Variants in ENOSF1 observed in about 807,000 individuals in gnomAD.
The protein encoded by ENOSF1 is mitochondrial enolase superfamily member 1.
A neutral mutation model predicts 68.2 loss-of-function variants in ENOSF1; 73 were observed. That is an observed-to-expected ratio of 1.07 (90% CI 0.89 to 1.30). The LOEUF is 1.30. Among genes scored for constraint, ENOSF1 ranks in the 50% most tolerant of loss-of-function variants. ENOSF1 has a pLI of 0.00. For synonymous variants in ENOSF1, 223 were observed against 210.4 expected, an observed-to-expected ratio of 1.06 and a Z score of -0.52; for missense variants, 589 against 554.5, an observed-to-expected ratio of 1.06 and a Z score of -0.62.
Position 671,794 on chromosome 18 carries a change from T to A in ENOSF1, c.*2511A>T. The A allele has an allele frequency of 3.8e-6, 1 of 265,610 alleles. No homozygotes were observed. Among genetic ancestry groups the A allele is most frequent in the Non-Finnish European group, 7.2e-6 (1 of 139,808 alleles). 16.5% of individuals were successfully genotyped at this position (265,610 alleles called of 1,614,324 possible). ...AAATGTTTTTCCTTTTCTTTTTTTT[T>A]TGAGATGGAGTCTTTCTCTGTCGGC... On this transcript the variant is annotated 3_prime_UTR_variant, in exon 16 of 16. Coordinates refer to ENST00000647584, the MANE Select transcript of ENOSF1 (RefSeq NM_017512.7).
chr18:668,910 C>A (rs2074918973), downstream of ENOSF1, among the ~76,000 whole-genome samples: 1 of 131,540 alleles, frequency 7.6e-6, no homozygotes, highest in Admixed American at 7.3e-5. Context: ...TTGAACTCAA[C>A]CCACCGAGAT....
chr18:693,258 T>C (rs2077383654), intron 5 of ENOSF1: 1 of 1,288,814 alleles, frequency 7.8e-7, no homozygotes, highest in Non-Finnish European at 1.0e-6. Context: ...CCTGCTGGAA[T>C]TGTACAGTAG....
At chr18:683,036 A>C in intron 11 of ENOSF1, 2 of 568,792 alleles carry the variant, frequency 3.5e-6, no homozygotes, top group Non-Finnish European at 5.9e-6. Context: ...TATCTAAAAC[A>C]AACAGAAATA....
At chr18:708,616 T>A (rs1223367843) in intron 1 of ENOSF1, among the ~76,000 whole-genome samples, 1 of 152,124 alleles carries the variant, frequency 6.6e-6, no homozygotes, top group African/African-American at 2.4e-5. Flanking sequence ...GAGAGCGCTG[T>A]TAGCTGAATG....
At chr18:694,196 T>TC in intron 4 of ENOSF1, 52 bp downstream of exon 4, 1 of 1,536,268 alleles carries the variant, frequency 6.5e-7, no homozygotes, top group South Asian at 1.1e-5. Context: ...GTAGGGAAAG[T>TC]CAGTGTCGTA....
At chr18:695,246 C>G (rs1357567713) in intron 3 of ENOSF1, among the ~76,000 whole-genome samples, 4 of 152,184 alleles carry the variant, frequency 2.6e-5, no homozygotes, top group Non-Finnish European at 4.4e-5. Flanking sequence ...ATTCCTCAAT[C>G]TGGGCTGATC....
chr18:701,541 G>A (rs1379389787), intron 2 of ENOSF1, among the ~76,000 whole-genome samples: 2 of 152,096 alleles, frequency 1.3e-5, no homozygotes, highest in Admixed American at 6.6e-5. Context: ...GATCACCTGA[G>A]GTCAGGAGTT....
chr18:663,993 G>A, the ENOSF1 span, among the ~76,000 whole-genome samples: 24 of 99,252 alleles, frequency 2.4e-4, 2 homozygotes, highest in South Asian at 5.4e-3. Flanking sequence ...TTGACTTGGC[G>A]ATGTGGGCTC....
intron 11 of ENOSF1, among the ~76,000 whole-genome samples, chr18:679,208 C>CTATTT (rs2075832970): frequency 8.1e-6 from 1 of 123,806 alleles, no homozygotes; most frequent in African/African-American, 3.2e-5. Context: ...CCTCTCATAT[C>CTATTT]TTTTTTTTTT....
chr18:692,877 C>A (rs1396842362), intron 5 of ENOSF1: 1 of 1,104,764 alleles, frequency 9.1e-7, no homozygotes, highest in African/African-American at 1.7e-5. Flanking sequence ...CTTCACTTTC[C>A]TCCGGAGGAG....
At chr18:685,640 C>T (rs758308594) in intron 10 of ENOSF1, among the ~76,000 whole-genome samples, 8 of 152,114 alleles carry the variant, frequency 5.3e-5, no homozygotes, top group Non-Finnish European at 1.0e-4. Context: ...GATTGACACA[C>T]CAGAGCACCA....
At chr18:667,227 TGATGGAGATGGA>T (rs1373943907), downstream of ENOSF1, among the ~76,000 whole-genome samples, 17 of 33,938 alleles carry the variant, frequency 5.0e-4, no homozygotes, top group Non-Finnish European at 6.2e-4. Flanking sequence ...ATGGTGATGG[TGATGGAGATGGA>T]GATGGTGATG....
chr18:670,594 A>G lies in ENOSF1; in HGVS notation c.*3711T>C. On this transcript the variant is annotated 3_prime_UTR_variant, in exon 16 of 16. Coordinates refer to ENST00000647584, the MANE Select transcript of ENOSF1 (RefSeq NM_017512.7). Reference sequence around the variant, plus strand: ...GTGGCTCTCTCTCCTGGTCTCCACCATATGAGTTGGCTTCTGTTTCTCTCC... The same window carrying G: ...GTGGCTCTCTCTCCTGGTCTCCACCGTATGAGTTGGCTTCTGTTTCTCTCC... 3 of 1,341,344 alleles carry G rather than the reference A, an allele frequency of 2.2e-6. No homozygotes were observed. Among genetic ancestry groups the G allele is most frequent in the South Asian group, 1.3e-5 (1 of 75,136 alleles). 83.1% of individuals were successfully genotyped at this position (1,341,344 alleles called of 1,614,324 possible). A position where few individuals can be genotyped will look rare whatever the true frequency, so the allele number is the denominator to read the frequency against.
downstream of ENOSF1, chr18:669,320 A>T: frequency 1.8e-6 from 1 of 570,662 alleles, no homozygotes; most frequent in East Asian, 2.9e-5. Flanking sequence ...GGCAAGTCAC[A>T]TTTTGCTGCA....
At chr18:692,756 C>T (rs1032068563) in intron 5 of ENOSF1, 15 of 997,344 alleles carry the variant, frequency 1.5e-5, no homozygotes, top group African/African-American at 1.7e-5. Flanking sequence ...CCTCCATCCC[C>T]GTAAAACGCC....
rs1212835980 is a variant in ENOSF1, at chr18:712,560, A to G, written c.28T>C (p.Ser10Pro). MVRGRISRL[S>P]VRDVRFPTSL... Reference sequence around the variant, plus strand: ...GTGGGGAAGCGCACGTCCCGGACCGAGAGCCGGGAGATCCTGCCGCGCACC... The same window carrying G: ...GTGGGGAAGCGCACGTCCCGGACCGGGAGCCGGGAGATCCTGCCGCGCACC... The change falls in exon 1 of 16, where the codon TCG becomes CCG. Residue 10 changes from serine to proline, a missense_variant. By Grantham distance (74) the Ser-to-Pro change is moderately conservative (BLOSUM62 -1). Coordinates refer to ENST00000647584, the MANE Select transcript of ENOSF1 (RefSeq NM_017512.7). 1 of 1,538,544 alleles carries G rather than the reference A, an allele frequency of 6.5e-7. No individual in the cohort carries two copies. Among genetic ancestry groups the G allele is most frequent in the Non-Finnish European group, 8.7e-7 (1 of 1,146,026 alleles).
Position 691,048 on chromosome 18 carries a change from A to G in ENOSF1, c.535+20T>C. ...GACAATGTTAGCAAAAACAATGAAGAAAATTTTCTTACAACCCACCTCTTT... is the reference window on the plus strand; with the variant it reads ...GACAATGTTAGCAAAAACAATGAAGGAAATTTTCTTACAACCCACCTCTTT... On this transcript the variant is annotated intron_variant, in intron 7 of 15. Transcript: ENST00000647584. 1.9e-6 allele frequency: 3 copies of G among 1,614,004 alleles called. No individual in the cohort carries two copies. Among genetic ancestry groups the G allele is most frequent in the Non-Finnish European group, 2.5e-6 (3 of 1,179,858 alleles).
intron 1 of ENOSF1, chr18:712,249 G>A: frequency 6.6e-7 from 1 of 1,519,638 alleles, no homozygotes; most frequent in South Asian, 1.2e-5. Flanking sequence ...TCTCCCCCAG[G>A]CGCGCCTCCC....
At chr18:689,440 C>T (rs978185012) in intron 8 of ENOSF1, among the ~76,000 whole-genome samples, 27 of 152,004 alleles carry the variant, frequency 1.8e-4, no homozygotes, top group Non-Finnish European at 4.0e-4. Context: ...ATTACCACGC[C>T]CAGATAATTT....
Sources: allele counts gnomAD v4.1 joint callset (sites outside exome capture counted in the v4.1 genomes callset), GRCh38; gene constraint gnomAD v4.1.1; transcripts MANE v1.5; gene names NCBI Gene and HGNC (gene_info 2026-07-23, HGNC 2026-07-21).